Variants in RASGRF2 observed in about 807,000 individuals in gnomAD.
The protein encoded by RASGRF2 is ras-specific guanine nucleotide-releasing factor 2.
RASGRF2 carries 76 observed loss-of-function variants against 151.0 expected under a neutral mutation model. The ratio of observed to expected loss-of-function variants is 0.50; its 90% CI spans 0.42 to 0.61. The LOEUF (loss-of-function observed/expected upper bound fraction) is 0.61. RASGRF2 is among the 20% of genes least tolerant of loss of function. The pLI is 0.00. For synonymous variants in RASGRF2, 504 were observed against 566.5 expected (o/e 0.89, Z 1.57); for missense variants, 1,148 against 1,564.6 (o/e 0.73, Z 4.49).
In RASGRF2 at chr5:81,127,115, T is replaced by A; in HGVS notation, c.2638T>A (p.Ser880Thr). 1 of 1,614,108 alleles carries A rather than the reference T, an allele frequency of 6.2e-7. No homozygotes were observed. Among genetic ancestry groups the A allele is most frequent in the Non-Finnish European group, 8.5e-7 (1 of 1,179,982 alleles). ...TGCCCACTGCTCTGTTTCACCGGCT[T>A]CTGCTTTTGCAATAGCCACAGCTGC... is the stretch of plus-strand genomic sequence containing the variant. ...DNAHCSVSPA[S>T]AFAIATAAAG... is the part of the protein sequence containing the mutation. Residue 880 changes from serine (S) to threonine (T), a missense_variant, in exon 17 of 27, where the codon TCT becomes ACT. This residue lies in a region of RASGRF2 where 646 missense variants were observed against 807.4 expected (regional missense o/e 0.80). Transcript: ENST00000265080.
intron 17 of RASGRF2, 95 bp downstream of exon 17, chr5:81,127,258 C>T: frequency 7.9e-7 from 1 of 1,265,674 alleles, no homozygotes; most frequent in Non-Finnish European, 1.1e-6. Context: ...CTCGGCAGCT[C>T]TCACACTGGA....
chr5:81,059,139 T>TGAGGCAGAGAA (rs1276287435), intron 2 of RASGRF2, among the ~76,000 whole-genome samples: 7 of 152,054 alleles, frequency 4.6e-5, no homozygotes, highest in Admixed American at 2.6e-4. Flanking sequence ...ATCCCAGCAC[T>TGAGGCAGAGAA]TTGGGAGGCT....
At chr5:81,073,146 A>C (rs937305855) in intron 4 of RASGRF2, 53 bp from the exon 5 acceptor site, 17 of 1,540,574 alleles carry the variant, frequency 1.1e-5, no homozygotes, top group Non-Finnish European at 1.1e-5. Context: ...CTTTTCCATA[A>C]ATAAATCACC....
intron 1 of RASGRF2, among the ~76,000 whole-genome samples, chr5:81,026,639 T>C (rs1193434168): frequency 1.3e-5 from 2 of 152,172 alleles, no homozygotes; most frequent in Admixed American, 6.5e-5. Flanking sequence ...AAGCCTGCAA[T>C]TCCAGTCAAC....
chr5:81,212,204 A>T (rs1311634365), intron 22 of RASGRF2, among the ~76,000 whole-genome samples, 162 bp from the exon 23 acceptor site: 1 of 152,196 alleles, frequency 6.6e-6, no homozygotes, highest in African/African-American at 2.4e-5. Flanking sequence ...ATTCTTATAG[A>T]CTTTAGTCTC....
chr5:81,173,163 G>A (rs1333666985), intron 17 of RASGRF2, among the ~76,000 whole-genome samples: 1 of 152,094 alleles, frequency 6.6e-6, no homozygotes, highest in African/African-American at 2.4e-5. Flanking sequence ...GATCACCTGA[G>A]GTTAGGAGTT....
At chr5:81,212,036 T>C (rs1236127917) in intron 22 of RASGRF2, among the ~76,000 whole-genome samples, 1 of 152,200 alleles carries the variant, frequency 6.6e-6, no homozygotes, top group Non-Finnish European at 1.5e-5. Context: ...GACATTGCCT[T>C]TCCGCAGGCG....
At chr5:81,191,896 GT>G (rs11392034) in intron 18 of RASGRF2, among the ~76,000 whole-genome samples, 1 of 152,038 alleles carries the variant, frequency 6.6e-6, no homozygotes, top group Non-Finnish European at 1.5e-5. Flanking sequence ...TTCTGGATGG[GT>G]TTTTTCCTTC....
chr5:81,141,968 C>CT (rs1482504289), intron 17 of RASGRF2, among the ~76,000 whole-genome samples: 5 of 152,240 alleles, frequency 3.3e-5, no homozygotes, highest in Non-Finnish European at 7.3e-5. Flanking sequence ...CATATATACT[C>CT]TGCTGTCTAC....
chr5:81,140,076 G>A (rs1372635370), intron 17 of RASGRF2, among the ~76,000 whole-genome samples: 4 of 152,044 alleles, frequency 2.6e-5, no homozygotes, highest in Admixed American at 1.3e-4. Flanking sequence ...TGATCCTCCT[G>A]CCTCGGCCTC....
In RASGRF2 at chr5:80,960,566, C is replaced by T. The variant is rs1296347871; in HGVS notation, c.-173C>T. On this transcript the variant is annotated 5_prime_UTR_variant, in exon 1 of 27. Coordinates refer to ENST00000265080, the MANE Select transcript of RASGRF2 (RefSeq NM_006909.3). The surrounding 1 kb of genome is among the most constrained non-coding windows in gnomAD (Gnocchi z 5.5). ...GCCCCAGCCCGCGCCCCTGCCACCGCGCGCCGCGGCCTCCCGAAAGCGGGC... is the reference window on the plus strand; with the variant it reads ...GCCCCAGCCCGCGCCCCTGCCACCGTGCGCCGCGGCCTCCCGAAAGCGGGC... 1.4e-5 allele frequency: 7 copies of T among 497,170 alleles called. No homozygotes were observed. Among genetic ancestry groups the T allele is most frequent in the Admixed American group, 9.5e-5 (2 of 21,124 alleles). 30.8% of individuals were successfully genotyped at this position (497,170 alleles called of 1,614,324 possible). A position where few individuals can be genotyped will look rare whatever the true frequency, so the allele number is the denominator to read the frequency against.
chr5:81,141,422 C>T (rs17213955), intron 17 of RASGRF2, among the ~76,000 whole-genome samples: 24,940 of 152,112 alleles, frequency 0.16, 2,432 homozygotes, highest in Middle Eastern at 0.29. Context: ...GGGACCGTCT[C>T]TCTTCATCTC....
chr5:81,146,367 T>C (rs1754005558), intron 17 of RASGRF2, among the ~76,000 whole-genome samples: 1 of 152,176 alleles, frequency 6.6e-6, no homozygotes, highest in African/African-American at 2.4e-5. Flanking sequence ...AGCTGGCCTA[T>C]GTGACACATT....
intron 1 of RASGRF2, among the ~76,000 whole-genome samples, chr5:81,019,835 A>G (rs1046925894): frequency 1.4e-4 from 21 of 152,236 alleles, no homozygotes; most frequent in African/African-American, 5.1e-4. Context: ...TGCTGATTAT[A>G]AAGTGATACA....
chr5:81,185,281 C>T (rs565950451), intron 18 of RASGRF2, among the ~76,000 whole-genome samples: 3 of 152,140 alleles, frequency 2.0e-5, no homozygotes, highest in African/African-American at 2.4e-5. Context: ...AGCTAGCCTC[C>T]GTGTTAAGGT....
At chr5:81,208,922 GTAA>G (rs1327369495) in intron 22 of RASGRF2, among the ~76,000 whole-genome samples, 2 of 152,136 alleles carry the variant, frequency 1.3e-5, no homozygotes, top group Non-Finnish European at 2.9e-5. Context: ...TCACAGTAAT[GTAA>G]TAATGTCCAA....
At chr5:81,021,644 G>A (rs1029366771) in intron 1 of RASGRF2, among the ~76,000 whole-genome samples, 3 of 152,112 alleles carry the variant, frequency 2.0e-5, no homozygotes, top group Non-Finnish European at 2.9e-5. Context: ...GCTCTGCTCA[G>A]CCTTGGCCAT....
At chr5:80,969,438 C>CTCTTTTT (rs967523891) in intron 1 of RASGRF2, among the ~76,000 whole-genome samples, 7 of 144,728 alleles carry the variant, frequency 4.8e-5, no homozygotes, top group Non-Finnish European at 7.6e-5. Context: ...CTGGCCAGCA[C>CTCTTTTT]TCTTTTTTCT....
At chr5:81,178,912 G>A (rs1754847719) in intron 17 of RASGRF2, among the ~76,000 whole-genome samples, 3 of 152,084 alleles carry the variant, frequency 2.0e-5, no homozygotes, top group Admixed American at 2.0e-4. Context: ...CTAATTTTTT[G>A]TATTTTTAAT....
Sources: allele counts gnomAD v4.1 joint callset (sites outside exome capture counted in the v4.1 genomes callset), GRCh38; gene constraint gnomAD v4.1.1; regional missense constraint gnomAD v4.1.1; non-coding constraint Gnocchi (gnomAD v3.1); transcripts MANE v1.5; gene names NCBI Gene and HGNC (gene_info 2026-07-23, HGNC 2026-07-21).